The following ADAM10 variants were observed in gnomAD, a reference collection of about 807,000 sequenced individuals.
ADAM10 encodes the protein ADAM metallopeptidase domain 10, also known as disintegrin and metalloproteinase domain-containing protein 10.
A neutral mutation model predicts 90.1 loss-of-function variants in ADAM10; 17 were observed. The observed-to-expected ratio is 0.19, with a 90% CI of 0.13 to 0.28. The LOEUF is 0.28. Among genes scored for constraint, ADAM10 ranks in the 10% least tolerant of loss-of-function variants. The pLI, the probability that ADAM10 is intolerant of heterozygous loss-of-function variation, is 1.00. For synonymous variants in ADAM10, 310 were observed against 298.6 expected (o/e 1.04, Z -0.40); for missense variants, 610 against 914.3 (o/e 0.67, Z 4.29).
chr15:58,638,888 T>C (rs750859531), intron 8 of ADAM10, among the ~76,000 whole-genome samples: 3 of 152,196 alleles, frequency 2.0e-5, no homozygotes, highest in Non-Finnish European at 4.4e-5. Context: ...GATTTGAGAA[T>C]ACCTAATCTG....
chr15:58,624,181 G>C (rs1341880082), intron 10 of ADAM10, among the ~76,000 whole-genome samples: 1 of 151,942 alleles, frequency 6.6e-6, no homozygotes, highest in Non-Finnish European at 1.5e-5. Context: ...AGCTACTTGG[G>C]AGGCTGAGGC....
At chr15:58,631,638 G>A (rs1163113936) in intron 9 of ADAM10, among the ~76,000 whole-genome samples, 1 of 152,184 alleles carries the variant, frequency 6.6e-6, no homozygotes, top group Non-Finnish European at 1.5e-5. Context: ...ACATAAAAAT[G>A]AGTGACCTGG....
rs111585036 is a variant in ADAM10, at chr15:58,727,769, C to G, written c.56-10042G>C. 3.6e-3 allele frequency among the ~76,000 whole-genome samples: 541 copies of G among 152,004 alleles called. 5 individuals carry two copies. The highest frequency in any genetic ancestry group is 0.012 in the African/African-American group (518 of 41,466). ...AAAGCTGGAGTGGCTACAGTAATAGCTGAAAAAACAAACTTCAAAACAAAA... is the reference window on the plus strand; with the variant it reads ...AAAGCTGGAGTGGCTACAGTAATAGGTGAAAAAACAAACTTCAAAACAAAA... On this transcript the variant is annotated intron_variant, in intron 1 of 15. Transcript: ENST00000260408.
chr15:58,708,001 C>A (rs1336206136), intron 2 of ADAM10, among the ~76,000 whole-genome samples: 31 of 151,866 alleles, frequency 2.0e-4, no homozygotes. Flanking sequence ...CACTGGAACC[C>A]AGGAGGTGGA....
intron 9 of ADAM10, 69 bp downstream of exon 9, chr15:58,633,124 TTTA>T: frequency 7.0e-7 from 1 of 1,431,566 alleles, no homozygotes; most frequent in Non-Finnish European, 9.7e-7. Flanking sequence ...CACGGTGAAT[TTTA>T]AATAAATCAC....
intron 14 of ADAM10, among the ~76,000 whole-genome samples, chr15:58,604,109 C>A (rs957373508): frequency 1.3e-5 from 2 of 152,098 alleles, no homozygotes; most frequent in South Asian, 4.1e-4. Context: ...TGTCTGTAAT[C>A]CTAGCACTGT....
chr15:58,648,091 G>C (rs1896599471), intron 5 of ADAM10, among the ~76,000 whole-genome samples: 2 of 152,162 alleles, frequency 1.3e-5, no homozygotes, highest in Non-Finnish European at 1.5e-5. Flanking sequence ...GGGTAACTAT[G>C]TGAAATGATG....
chr15:58,713,010 A>T (rs1411050999), intron 2 of ADAM10, among the ~76,000 whole-genome samples: 1 of 152,218 alleles, frequency 6.6e-6, no homozygotes, highest in African/African-American at 2.4e-5. Flanking sequence ...CTTAGTCATT[A>T]AGAACAATTA....
chr15:58,597,576 T>A lies in ADAM10; in HGVS notation c.2218A>T (p.Ser740Cys). 6.2e-7 allele frequency: 1 copy of A among 1,614,058 alleles called. No individual in the cohort carries two copies. The highest frequency in any genetic ancestry group is 8.5e-7 in the Non-Finnish European group (1 of 1,179,994). ...CGTCTCATGTGTCCCATTTGATAACTCTCTCGGGGCCGCTGACGCTGGGGT... is the reference window on the plus strand; with the variant it reads ...CGTCTCATGTGTCCCATTTGATAACACTCTCGGGGCCGCTGACGCTGGGGT... ...QQPQRQRPRE[S>C]YQMGHMRR is the part of the protein sequence containing the mutation. Residue 740 changes from serine to cysteine, a missense_variant, in exon 16 of 16, where the codon AGT becomes TGT. By Grantham distance (112) the Ser-to-Cys change is moderately radical (BLOSUM62 -1). Transcript: ENST00000260408.
intron 13 of ADAM10, 64 bp downstream of exon 13, chr15:58,610,935 A>C: frequency 7.8e-7 from 1 of 1,285,366 alleles, no homozygotes; most frequent in African/African-American, 1.5e-5. Context: ...TTTTACACTT[A>C]AAATTTAGGA....
Position 58,693,201 on chromosome 15 carries a change from G to T in ADAM10, c.207-10887C>A, listed in dbSNP as rs1458057938. The T allele has an allele frequency of 4.7e-5, 32 of 682,550 alleles. No homozygotes were observed. In the East Asian group the frequency reaches 9.2e-4, roughly 20 times the overall value. 42.3% of individuals were successfully genotyped at this position (682,550 alleles called of 1,614,324 possible). A position where few individuals can be genotyped will look rare whatever the true frequency, so the allele number is the denominator to read the frequency against. Reference sequence around the variant, plus strand: ...CATGGTACACCTCTGCAGGCATCTTGAAAGGAAAAGGCTTACAAGTACTAG... The same window carrying T: ...CATGGTACACCTCTGCAGGCATCTTTAAAGGAAAAGGCTTACAAGTACTAG... On this transcript the variant is annotated intron_variant, in intron 2 of 15. Coordinates refer to ENST00000260408, the MANE Select transcript of ADAM10 (RefSeq NM_001110.4).
At chr15:58,639,280 A>T (rs534418875) in intron 8 of ADAM10, among the ~76,000 whole-genome samples, 1 of 152,352 alleles carries the variant, frequency 6.6e-6, no homozygotes, top group East Asian at 1.9e-4. Context: ...CTATGAACTT[A>T]TATTTCTAAC....
At position 58,597,557 on chromosome 15, in the gene ADAM10, A is replaced by C. The variant is rs1269298746; in HGVS notation, c.2237T>G (p.Met746Arg). 4 of 1,613,918 alleles carry C rather than the reference A, an allele frequency of 2.5e-6. No homozygotes were observed. The South Asian group carries it at 4.4e-5, about 18-fold the overall frequency. ...AGGCAAAAGCTGCAGTTAGCGTCTC[A>C]TGTGTCCCATTTGATAACTCTCTCG... Reference protein sequence around the residue: ...RPRESYQMGHMRR With the variant: ...RPRESYQMGHRRR The change falls in exon 16 of 16, where the codon ATG becomes AGG. Residue 746 changes from methionine to arginine, a missense_variant. By Grantham distance (91) the Met-to-Arg change is moderately conservative. Around this residue, in one of 4 missense-constraint regions of ADAM10, gnomAD observed 150 missense variants for 268.5 expected, o/e 0.56. Coordinates refer to ENST00000260408, the MANE Select transcript of ADAM10 (RefSeq NM_001110.4).
At chr15:58,642,990 T>C (rs1896455002) in intron 7 of ADAM10, among the ~76,000 whole-genome samples, 1 of 152,192 alleles carries the variant, frequency 6.6e-6, no homozygotes, top group Non-Finnish European at 1.5e-5. Flanking sequence ...AGACATTTTA[T>C]CCAACCACAT....
intron 2 of ADAM10, among the ~76,000 whole-genome samples, chr15:58,694,585 C>G (rs1897923831): frequency 6.6e-6 from 1 of 151,946 alleles, no homozygotes. Context: ...CAATTCTACT[C>G]AAGAAAAAAG....
chr15:58,736,341 T>A (rs538490981), intron 1 of ADAM10, among the ~76,000 whole-genome samples: 75 of 152,346 alleles, frequency 4.9e-4, no homozygotes, highest in Non-Finnish European at 9.1e-4. Context: ...GTTCTCAGTT[T>A]TAGTTGCCAA....
intron 1 of ADAM10, among the ~76,000 whole-genome samples, chr15:58,729,876 C>G (rs999006437): frequency 6.6e-6 from 1 of 151,144 alleles, no homozygotes; most frequent in Non-Finnish European, 1.5e-5. Context: ...GCAGAAGAAC[C>G]GCTTGAACCC....
chr15:58,701,027 A>C (rs1364051441), intron 2 of ADAM10, among the ~76,000 whole-genome samples: 1 of 151,336 alleles, frequency 6.6e-6, no homozygotes, highest in African/African-American at 2.4e-5. Context: ...AAAAACAAAA[A>C]AAAAAAAACA....
Position 58,643,995 on chromosome 15 carries a change from A to G in ADAM10, c.736-17T>C. 4.6e-6 allele frequency: 7 copies of G among 1,534,076 alleles called. No individual in the cohort carries two copies. Among genetic ancestry groups the G allele is most frequent in the Non-Finnish European group, 6.3e-6 (7 of 1,107,374 alleles). ...ACTGGATATCTATGATTTAAAAAAAAGAACATTTTAGAGGCAATGTTGAAA... is the reference window on the plus strand; with the variant it reads ...ACTGGATATCTATGATTTAAAAAAAGGAACATTTTAGAGGCAATGTTGAAA... On this transcript the variant is annotated splice_polypyrimidine_tract_variant and intron_variant, in intron 6 of 15. Transcript: ENST00000260408.
Sources: gnomAD v4.1 joint callset for allele counts (sites outside exome capture counted in the v4.1 genomes callset) on GRCh38, gnomAD v4.1.1 for gene constraint, gnomAD v4.1.1 regional missense constraint, MANE v1.5 for transcripts, NCBI Gene and HGNC (gene_info 2026-07-23, HGNC 2026-07-21) for gene names.